TCERG1L: variants seen among roughly 807,000 people sequenced by gnomAD.
The protein encoded by TCERG1L is transcription elongation regulator 1-like protein.
In TCERG1L, 37 loss-of-function variants were observed where a neutral mutation model predicts 56.3. The ratio of observed to expected loss-of-function variants is 0.66; its 90% CI spans 0.51 to 0.87. TCERG1L has a LOEUF of 0.87. Among genes scored for constraint, TCERG1L ranks in the 40% least tolerant of loss-of-function variants. The pLI is 0.00. For missense variants in TCERG1L, 799 were observed against 774.2 expected, an observed-to-expected ratio of 1.03 and a Z score of -0.38; for synonymous variants, 324 against 326.3, an observed-to-expected ratio of 0.99 and a Z score of 0.08.
At chr10:131,231,471 T>C (rs571695479) in intron 4 of TCERG1L, among the ~76,000 whole-genome samples, 1 of 152,300 alleles carries the variant, frequency 6.6e-6, no homozygotes, top group East Asian at 1.9e-4. Context: ...TGGAGCCGGC[T>C]GGCATCCCCT....
intron 8 of TCERG1L, among the ~76,000 whole-genome samples, chr10:131,130,658 G>A (rs756956662): frequency 1.3e-5 from 2 of 152,144 alleles, no homozygotes; most frequent in Admixed American, 6.5e-5. Flanking sequence ...GAACAAATAC[G>A]TTCTCTTACG....
chr10:131,129,639 C>T lies in TCERG1L; in HGVS notation c.1259+4740G>A, dbSNP rs536188993. On this transcript the variant is annotated intron_variant, in intron 8 of 11. Coordinates refer to ENST00000368642, the MANE Select transcript of TCERG1L (RefSeq NM_174937.4). The stretch of plus-strand genomic sequence containing the variant: ...GCTAAGCACACACTGGACCATCTTA[C>T]GCCACCTATCTCTCCTATCACAATG... Among the ~76,000 whole-genome samples, 9 of 152,294 alleles carry T rather than the reference C, an allele frequency of 5.9e-5. No homozygotes were observed. In the South Asian group the frequency reaches 6.2e-4, roughly 11 times the overall value.
chr10:131,222,509 T>C (rs1193806210), intron 4 of TCERG1L, among the ~76,000 whole-genome samples: 1 of 152,216 alleles, frequency 6.6e-6, no homozygotes, highest in Non-Finnish European at 1.5e-5. Flanking sequence ...GCCGCCACAC[T>C]GGTGTGAGTG....
At chr10:131,094,002 G>C (rs529901624) in intron 11 of TCERG1L, among the ~76,000 whole-genome samples, 2 of 152,356 alleles carry the variant, frequency 1.3e-5, no homozygotes, top group East Asian at 3.9e-4. Context: ...GAGCGAATCA[G>C]AGCTGCCAGG....
chr10:131,196,731 TG>T (rs1845367709), intron 4 of TCERG1L, among the ~76,000 whole-genome samples: 1 of 152,204 alleles, frequency 6.6e-6, no homozygotes, highest in Admixed American at 6.5e-5. Context: ...CCTGACTGGC[TG>T]GAACACCACC....
At chr10:131,170,933 G>T (rs1846084412) in intron 4 of TCERG1L, among the ~76,000 whole-genome samples, 1 of 152,198 alleles carries the variant, frequency 6.6e-6, no homozygotes, top group Non-Finnish European at 1.5e-5. Context: ...GGATCACGAG[G>T]TCAAGAGTTC....
intron 4 of TCERG1L, among the ~76,000 whole-genome samples, chr10:131,207,585 T>C (rs1195897485): frequency 6.6e-6 from 1 of 152,188 alleles, no homozygotes; most frequent in African/African-American, 2.4e-5. Context: ...ACATCAGGTT[T>C]AAGAACATTC....
At chr10:131,249,692 A>G (rs1564825682) in intron 4 of TCERG1L, among the ~76,000 whole-genome samples, 1 of 152,186 alleles carries the variant, frequency 6.6e-6, no homozygotes, top group Non-Finnish European at 1.5e-5. Context: ...AACTGGAATC[A>G]CATATCCACT....
chr10:131,209,686 T>C (rs952054791), intron 4 of TCERG1L, among the ~76,000 whole-genome samples: 1 of 152,228 alleles, frequency 6.6e-6, no homozygotes. Context: ...TTTGTCCTCC[T>C]ACCAGTGACA....
At chr10:131,258,249 C>A (rs966716911) in intron 4 of TCERG1L, among the ~76,000 whole-genome samples, 3 of 152,242 alleles carry the variant, frequency 2.0e-5, no homozygotes, top group Non-Finnish European at 4.4e-5. Context: ...GGGCCTCTTG[C>A]GATGGTTTAG....
At chr10:131,162,834 C>T in intron 6 of TCERG1L, 1 of 286,564 alleles carries the variant, frequency 3.5e-6, no homozygotes, top group Non-Finnish European at 6.4e-6. Context: ...AGGCATGCTA[C>T]ACTTTCTTCA....
chr10:131,112,637 A>G (rs1845422926), intron 9 of TCERG1L, among the ~76,000 whole-genome samples: 1 of 142,030 alleles, frequency 7.0e-6, no homozygotes, highest in Admixed American at 6.9e-5. Flanking sequence ...CCAGGGTGGA[A>G]TGACCGGGCT....
At chr10:131,178,665 C>T (rs898821278) in intron 4 of TCERG1L, among the ~76,000 whole-genome samples, 2 of 152,158 alleles carry the variant, frequency 1.3e-5, no homozygotes, top group African/African-American at 2.4e-5. Flanking sequence ...TGTGGTCTCG[C>T]CTGTGGGTTC....
At chr10:131,226,625 G>T (rs10829951) in intron 4 of TCERG1L, among the ~76,000 whole-genome samples, 1 of 152,068 alleles carries the variant, frequency 6.6e-6, no homozygotes, top group African/African-American at 2.4e-5. Context: ...AGAGACCGTC[G>T]GTGGAGCAGC....
intron 10 of TCERG1L, among the ~76,000 whole-genome samples, chr10:131,100,600 A>G (rs1845295281): frequency 6.6e-6 from 1 of 152,214 alleles, no homozygotes; most frequent in African/African-American, 2.4e-5. Context: ...AAAACAAAAC[A>G]CTATTTGTTG....
chr10:131,224,612 G>A (rs1013978171), intron 4 of TCERG1L, among the ~76,000 whole-genome samples: 8 of 152,234 alleles, frequency 5.3e-5, no homozygotes, highest in African/African-American at 1.9e-4. Context: ...TAAGCTGTGC[G>A]GCCTGGGGAG....
At chr10:131,167,702 T>C (rs542715740) in intron 4 of TCERG1L, among the ~76,000 whole-genome samples, 3 of 152,334 alleles carry the variant, frequency 2.0e-5, no homozygotes, top group Admixed American at 1.3e-4. Context: ...TGACCGTGGC[T>C]TACTGGCCGC....
At chr10:131,185,806 C>A (rs1458240973) in intron 4 of TCERG1L, among the ~76,000 whole-genome samples, 1 of 152,112 alleles carries the variant, frequency 6.6e-6, no homozygotes, top group Non-Finnish European at 1.5e-5. Flanking sequence ...AGAAAACAGT[C>A]AAAAAGTCAA....
intron 9 of TCERG1L, among the ~76,000 whole-genome samples, chr10:131,107,121 A>G (rs1845359798): frequency 6.6e-6 from 1 of 152,004 alleles, no homozygotes; most frequent in African/African-American, 2.4e-5. Flanking sequence ...GGATCCCTTT[A>G]GCTTTGACTA....
Sources: gnomAD v4.1 joint callset for allele counts (sites outside exome capture counted in the v4.1 genomes callset) on GRCh38, gnomAD v4.1.1 for gene constraint, MANE v1.5 for transcripts, NCBI Gene and HGNC (gene_info 2026-07-23, HGNC 2026-07-21) for gene names.